RENBP: variants seen among roughly 807,000 people sequenced by gnomAD.
The protein encoded by RENBP is renin binding protein.
In RENBP, 16 loss-of-function variants were observed where a neutral mutation model predicts 37.8. That is an observed-to-expected ratio of 0.42 (90% CI 0.29 to 0.64). The LOEUF (loss-of-function observed/expected upper bound fraction) is 0.64. Ranked by LOEUF, RENBP falls within the 30% of genes least tolerant of loss-of-function variation. RENBP has a pLI of 0.19. For synonymous variants in RENBP, 170 were observed against 154.8 expected (o/e 1.10, Z -0.73); for missense variants, 347 against 379.5 (o/e 0.91, Z 0.71).
intron 8 of RENBP, among the ~76,000 whole-genome samples, chrX:153,940,439 G>A (rs924807221): frequency 8.9e-6 from 1 of 111,812 alleles, no homozygotes; most frequent in African/African-American, 3.3e-5. Context: ...TGGCATATAT[G>A]TCTGAGCATC....
In RENBP at chrX:153,941,764, G is replaced by A. The variant is rs1053134523; in HGVS notation, c.770-111C>T. 4.9e-5 allele frequency: 37 copies of A among 747,544 alleles called. No homozygotes were observed. In the African/African-American group the frequency reaches 6.6e-4, roughly 13 times the overall value. 61.6% of individuals were successfully genotyped at this position (747,544 alleles called of 1,213,427 possible). On this transcript the variant is annotated intron_variant, in intron 7 of 10. Transcript: ENST00000393700. ...CTCTGCTCCCTCCCTAACAATGAGCGAGGCTCTGAGCTCCCTGGCCCTGGA... is the reference window on the plus strand; with the variant it reads ...CTCTGCTCCCTCCCTAACAATGAGCAAGGCTCTGAGCTCCCTGGCCCTGGA...
intron 9 of RENBP, chrX:153,935,880 A>G (rs1372647586): frequency 2.3e-5 from 7 of 300,641 alleles, no homozygotes; most frequent in African/African-American, 5.4e-5. Flanking sequence ...CTGTAATCCC[A>G]GCACTTTCGG....
In RENBP at chrX:153,943,701, G is replaced by T. The variant is rs375061782; in HGVS notation, c.307C>A (p.Arg103=). ...CCAGGAGGTGCCACCCGGGCATACC[G>T]CAGCAAGAACTCACCACCTGGAGGT... ...AAKAGGEFLL[R]YARVAPPGKK... The change falls in exon 5 of 11, where the codon CGG becomes AGG. Residue 103 remains arginine (R), a synonymous_variant. Coordinates refer to ENST00000393700, the MANE Select transcript of RENBP (RefSeq NM_002910.6). The T allele has an allele frequency of 2.5e-6, 3 of 1,209,902 alleles. No individual in the cohort carries two copies. The highest frequency in any genetic ancestry group is 3.4e-6 in the Non-Finnish European group (3 of 894,574).
At chrX:153,940,617 G>A (rs529000162) in intron 8 of RENBP, among the ~76,000 whole-genome samples, 1 of 111,031 alleles carries the variant, frequency 9.0e-6, no homozygotes, top group Non-Finnish European at 1.9e-5. Flanking sequence ...ATATGAGGTC[G>A]GCACAAAATA....
intron 9 of RENBP, chrX:153,937,204 A>AT (rs1189475743): frequency 1.0e-5 from 1 of 98,138 alleles, no homozygotes; most frequent in Admixed American, 1.1e-4. Context: ...TCAAAAATAA[A>AT]TAAATAAATA....
chrX:153,941,950 C>CCCCCCGGGGGG lies in RENBP; in HGVS notation c.768_769insCCCCCCGGGGG (p.Gly257ProfsTer30). 1 of 1,130,616 alleles carries CCCCCCGGGGGG rather than the reference C, an allele frequency of 8.8e-7. No individual in the cohort carries two copies. Among genetic ancestry groups the CCCCCCGGGGGG allele is most frequent in the Non-Finnish European group, 1.2e-6 (1 of 823,188 alleles). The allele number at this position is 1,130,616 out of a possible 1,213,427, so 93.2% of individuals were successfully genotyped here. ...GCCCCCAGCCCACCCCGCCCCTCAC[C>CCCCCCGGGGGG]TGGGTTCTGCTGTCTCCCCAGGCAG... On this transcript the variant is annotated frameshift_variant and splice_region_variant, in exon 7 of 11. Coordinates refer to ENST00000393700, the MANE Select transcript of RENBP (RefSeq NM_002910.6). LOFTEE classifies it high-confidence loss of function.
chrX:153,941,919 T>G lies in RENBP; in HGVS notation c.769+31A>C, dbSNP rs782130299. ...ACAAGGCTCAGCGCTCCCCTCCTCCTGGGTGGCCCCCAGCCCACCCCGCCC... is the reference window on the plus strand; with the variant it reads ...ACAAGGCTCAGCGCTCCCCTCCTCCGGGGTGGCCCCCAGCCCACCCCGCCC... On this transcript the variant is annotated intron_variant, in intron 7 of 10. Coordinates refer to ENST00000393700, the MANE Select transcript of RENBP (RefSeq NM_002910.6). The G allele has an allele frequency of 9.2e-6, 9 of 980,479 alleles. No homozygotes were observed. In the East Asian group the frequency reaches 2.7e-4, roughly 30 times the overall value. The allele number at this position is 980,479 out of a possible 1,213,427, so 80.8% of individuals were successfully genotyped here. A position where few individuals can be genotyped will look rare whatever the true frequency, so the allele number is the denominator to read the frequency against.
chrX:153,941,925 G>GCCGCC, intron 7 of RENBP, 25 bp downstream of exon 7: 57 of 708,405 alleles, frequency 8.0e-5, no homozygotes, highest in Non-Finnish European at 1.2e-4. Context: ...CTCCTGGGTG[G>GCCGCC]CCCCCAGCCC....
At chrX:153,939,639 T>C (rs1390697955) in intron 9 of RENBP, among the ~76,000 whole-genome samples, 2 of 110,969 alleles carry the variant, frequency 1.8e-5, no homozygotes. Flanking sequence ...CAGGTAACAA[T>C]GGAATCAGAC....
At chrX:153,938,332 T>C (rs148616607) in intron 9 of RENBP, among the ~76,000 whole-genome samples, 3,758 of 112,186 alleles carry the variant, frequency 0.033, 163 homozygotes, top group African/African-American at 0.11. Flanking sequence ...CCTCCACTCA[T>C]AATGGCAGCA....
At chrX:153,944,056 G>A (rs1446861726) in intron 3 of RENBP, 24 bp downstream of exon 3, 14 of 1,205,566 alleles carry the variant, frequency 1.2e-5, no homozygotes, top group African/African-American at 3.5e-5. Context: ...GTGTGCCTGA[G>A]CTTCCAGGCT....
At chrX:153,937,844 C>T (rs2065210048) in intron 9 of RENBP, among the ~76,000 whole-genome samples, 1 of 110,992 alleles carries the variant, frequency 9.0e-6, no homozygotes, top group African/African-American at 3.3e-5. Flanking sequence ...ATCCACCTGC[C>T]TCGGCCTTTC....
chrX:153,940,937 C>G (rs1450343929), intron 8 of RENBP, among the ~76,000 whole-genome samples: 1 of 110,204 alleles, frequency 9.1e-6, no homozygotes, highest in Admixed American at 9.6e-5. Context: ...GTCGGGAGTT[C>G]GAGACCAGCC....
intron 6 of RENBP, chrX:153,942,238 T>G: frequency 7.6e-6 from 2 of 263,704 alleles, no homozygotes; most frequent in East Asian, 1.1e-4. Flanking sequence ...TTGTTTTTTT[T>G]TTTTTTTTTT....
At chrX:153,937,547 T>C (rs2065208818) in intron 9 of RENBP, among the ~76,000 whole-genome samples, 3 of 111,560 alleles carry the variant, frequency 2.7e-5, no homozygotes, top group Admixed American at 9.5e-5. Flanking sequence ...GTTCCAGTGA[T>C]TCTCCTGCTT....
At chrX:153,936,054 A>G in intron 9 of RENBP, 1 of 184,495 alleles carries the variant, frequency 5.4e-6, no homozygotes. Flanking sequence ...AATAGCTTGA[A>G]CACAGGAGGC....
rs782108081 is a variant in RENBP, at chrX:153,940,163, T to C, written c.1016A>G (p.Asp339Gly). The C allele has an allele frequency of 8.3e-7, 1 of 1,210,907 alleles. No homozygotes were observed. Among genetic ancestry groups the C allele is most frequent in the South Asian group, 1.8e-5 (1 of 56,967 alleles). ...AMIAFLMGYS[D>G]SGDPVLLRLF... ...GCGCAGCAGCACAGGGTCCCCACTG[T>C]CACTGTAACCCATGAGGAAGGCAAT... Residue 339 changes from aspartate to glycine, a missense_variant, in exon 9 of 11, where the codon GAC (aspartate) becomes GGC (glycine). Physicochemically the swap from Asp to Gly is moderately conservative, Grantham distance 94. Transcript: ENST00000393700.
At chrX:153,939,118 C>T (rs1343402581) in intron 9 of RENBP, among the ~76,000 whole-genome samples, 1 of 108,259 alleles carries the variant, frequency 9.2e-6, no homozygotes, top group Non-Finnish European at 1.9e-5. Context: ...CATAGTCTCG[C>T]TCTGTTGCCC....
intron 3 of RENBP, 48 bp from the exon 4 acceptor site, chrX:153,944,018 G>A (rs781951652): frequency 5.0e-6 from 6 of 1,204,243 alleles, no homozygotes; most frequent in East Asian, 3.0e-5. Context: ...GCTGGGGTGA[G>A]GTGGGGAGAC....
Sources: gnomAD v4.1 joint callset for allele counts (sites outside exome capture counted in the v4.1 genomes callset) on GRCh38, gnomAD v4.1.1 for gene constraint, MANE v1.5 for transcripts, NCBI Gene and HGNC (gene_info 2026-07-23, HGNC 2026-07-21) for gene names.